SLCO6A1: variants seen among roughly 807,000 people sequenced by gnomAD.
SLCO6A1 encodes solute carrier organic anion transporter family member 6A1.
Under a neutral mutation model 72.7 loss-of-function variants are expected in SLCO6A1, and 65 were observed. The ratio of observed to expected loss-of-function variants is 0.89; its 90% CI spans 0.73 to 1.10. The LOEUF (loss-of-function observed/expected upper bound fraction) is 1.10. SLCO6A1 is among the 50% of genes least tolerant of loss of function. The pLI, the probability that SLCO6A1 is intolerant of heterozygous loss-of-function variation, is 0.00. For synonymous variants in SLCO6A1, 314 were observed against 298.2 expected (o/e 1.05, Z -0.55); for missense variants, 874 against 872.6 (o/e 1.00, Z -0.02).
intron 11 of SLCO6A1, among the ~76,000 whole-genome samples, chr5:102,389,921 T>C (rs1746657092): frequency 1.3e-5 from 2 of 152,144 alleles, no homozygotes; most frequent in African/African-American, 4.8e-5. Flanking sequence ...ATTATTATTT[T>C]TAGAGACACA....
chr5:102,451,299 T>G (rs531933686), intron 6 of SLCO6A1, among the ~76,000 whole-genome samples: 1 of 151,916 alleles, frequency 6.6e-6, no homozygotes, highest in African/African-American at 2.4e-5. Context: ...CAGGCAGGGG[T>G]GGGTTGGCTG....
chr5:102,464,953 A>C (rs1464611828), intron 4 of SLCO6A1, among the ~76,000 whole-genome samples: 2 of 152,122 alleles, frequency 1.3e-5, no homozygotes, highest in African/African-American at 4.8e-5. Context: ...TATCCAACAC[A>C]ATCCATCACT....
At chr5:102,443,776 A>G (rs2112698138) in intron 6 of SLCO6A1, among the ~76,000 whole-genome samples, 1 of 152,330 alleles carries the variant, frequency 6.6e-6, no homozygotes, top group South Asian at 2.1e-4. Context: ...TTCTTTTCTT[A>G]AAAATAAATA....
rs1450348805 is a variant in SLCO6A1, at chr5:102,498,498, A to G, written c.347T>C (p.Leu116Pro). The G allele has an allele frequency of 6.2e-7, 1 of 1,613,200 alleles. No homozygotes were observed. The highest frequency in any genetic ancestry group is 1.3e-5 in the African/African-American group (1 of 74,992). Reference sequence around the variant, plus strand: ...TCCTTCAGGCTCACCTTGACATATGAGCAGGATGCAGTAGAAAATCATGAA... The same window carrying G: ...TCCTTCAGGCTCACCTTGACATATGGGCAGGATGCAGTAGAAAATCATGAA... ...RCFMIFYCIL[L>P]ICQGVVFGLI... The change falls in exon 1 of 14, where the codon CTC becomes CCC. Residue 116 changes from leucine to proline, a missense_variant. By Grantham distance (98) the Leu-to-Pro change is moderately conservative (BLOSUM62 -3). Transcript: ENST00000506729.
At chr5:102,408,325 A>G (rs995458488) in intron 9 of SLCO6A1, among the ~76,000 whole-genome samples, 4 of 151,602 alleles carry the variant, frequency 2.6e-5, no homozygotes, top group Non-Finnish European at 4.4e-5. Flanking sequence ...TTATGGATGC[A>G]GGGGCTACTG....
chr5:102,373,311 A>G (rs772535580), intron 13 of SLCO6A1, 26 bp downstream of exon 13: 2 of 1,408,038 alleles, frequency 1.4e-6, no homozygotes, highest in East Asian at 5.3e-5. Flanking sequence ...TATTTCATTG[A>G]TAGATTGACA....
At chr5:102,465,222 T>C (rs572081473) in intron 4 of SLCO6A1, among the ~76,000 whole-genome samples, 82 of 152,104 alleles carry the variant, frequency 5.4e-4, no homozygotes, top group Non-Finnish European at 9.4e-4. Context: ...ACTTTATGCT[T>C]GGCCCAGTTC....
chr5:102,413,665 T>C (rs559984579), intron 8 of SLCO6A1, among the ~76,000 whole-genome samples: 2 of 152,306 alleles, frequency 1.3e-5, no homozygotes, highest in South Asian at 4.1e-4. Context: ...GCAGTAGGTG[T>C]TCACTTAACT....
At chr5:102,447,874 C>T (rs564950945) in intron 6 of SLCO6A1, among the ~76,000 whole-genome samples, 4 of 152,056 alleles carry the variant, frequency 2.6e-5, no homozygotes, top group Non-Finnish European at 5.9e-5. Flanking sequence ...GCGTTTTGTT[C>T]AGTTCAGCTC....
chr5:102,385,826 C>CTTTTTTTTT (rs57983218), intron 12 of SLCO6A1, among the ~76,000 whole-genome samples: 8 of 121,204 alleles, frequency 6.6e-5, no homozygotes, highest in Admixed American at 8.7e-5. Flanking sequence ...CCTGTTTTTC[C>CTTTTTTTTT]TTTTTTTTTT....
At chr5:102,433,588 C>T (rs1749337479) in intron 7 of SLCO6A1, among the ~76,000 whole-genome samples, 1 of 152,172 alleles carries the variant, frequency 6.6e-6, no homozygotes, top group Non-Finnish European at 1.5e-5. Flanking sequence ...CAGTATTGGG[C>T]ACTGGCTTTG....
At chr5:102,464,418 AAAATAAGACAGG>A (rs1751209337) in intron 4 of SLCO6A1, among the ~76,000 whole-genome samples, 3 of 152,266 alleles carry the variant, frequency 2.0e-5, no homozygotes, top group Admixed American at 1.3e-4. Context: ...AACCAATATA[AAAATAAGACAGG>A]AAATAAGAAG....
intron 13 of SLCO6A1, among the ~76,000 whole-genome samples, chr5:102,372,800 C>G (rs1054349937): frequency 1.3e-5 from 2 of 151,424 alleles, no homozygotes; most frequent in African/African-American, 4.8e-5. Flanking sequence ...GTCAATTAAC[C>G]AAAGAAATTT....
intron 12 of SLCO6A1, among the ~76,000 whole-genome samples, chr5:102,380,562 C>T (rs999681105): frequency 3.9e-5 from 6 of 151,950 alleles, no homozygotes; most frequent in South Asian, 2.1e-4. Flanking sequence ...ATTCTTAGCA[C>T]TTAAGATTTC....
At chr5:102,480,891 A>C (rs1487175348) in intron 1 of SLCO6A1, among the ~76,000 whole-genome samples, 1 of 152,206 alleles carries the variant, frequency 6.6e-6, no homozygotes, top group African/African-American at 2.4e-5. Flanking sequence ...TCCTGTATTT[A>C]AAGTTTACCA....
chr5:102,399,415 G>A, intron 10 of SLCO6A1, 140 bp downstream of exon 10: 1 of 471,336 alleles, frequency 2.1e-6, no homozygotes, highest in Non-Finnish European at 3.6e-6. Flanking sequence ...CACATGAATT[G>A]TGTCAATTTA....
intron 6 of SLCO6A1, among the ~76,000 whole-genome samples, chr5:102,448,082 A>T (rs1206065369): frequency 6.6e-6 from 1 of 152,088 alleles, no homozygotes; most frequent in African/African-American, 2.4e-5. Context: ...CTTTGTTTTC[A>T]TTACTTTCAA....
intron 1 of SLCO6A1, among the ~76,000 whole-genome samples, chr5:102,496,765 T>C (rs529845854): frequency 1.3e-5 from 2 of 152,336 alleles, no homozygotes; most frequent in Admixed American, 1.3e-4. Context: ...TGATGGATAA[T>C]ATAAATATAA....
chr5:102,494,793 G>A (rs1161353647), intron 1 of SLCO6A1, among the ~76,000 whole-genome samples: 2 of 152,182 alleles, frequency 1.3e-5, no homozygotes, highest in East Asian at 3.8e-4. Context: ...ATATATTGCT[G>A]ACGGGCAGGA....
Sources: allele counts gnomAD v4.1 joint callset (sites outside exome capture counted in the v4.1 genomes callset), GRCh38; gene constraint gnomAD v4.1.1; transcripts MANE v1.5; gene names NCBI Gene and HGNC (gene_info 2026-07-23, HGNC 2026-07-21).